The following BUB3 variants were observed in gnomAD, a reference collection of about 807,000 sequenced individuals.
BUB3 encodes BUB3 mitotic checkpoint protein, also known as mitotic checkpoint protein BUB3.
A neutral mutation model predicts 39.9 loss-of-function variants in BUB3; 22 were observed. The observed-to-expected ratio is 0.55, with a 90% CI of 0.39 to 0.79. The LOEUF (loss-of-function observed/expected upper bound fraction) is 0.79, where lower values mean the gene tolerates loss of function less well. Ranked by LOEUF, BUB3 falls within the 30% of genes least tolerant of loss-of-function variation. BUB3 has a pLI of 0.00. For synonymous variants in BUB3, 168 were observed against 155.1 expected (o/e 1.08, Z -0.62); for missense variants, 303 against 415.4 (o/e 0.73, Z 2.35).
chr10:123,157,980 G>A (rs1294110199), intron 4 of BUB3, 100 bp downstream of exon 4: 6 of 1,263,596 alleles, frequency 4.7e-6, no homozygotes, highest in African/African-American at 4.6e-5. Flanking sequence ...AAGGTGAAAA[G>A]TCAACATGGG....
At position 123,155,027 on chromosome 10, in the gene BUB3, C is replaced by T; in HGVS notation, c.110C>T (p.Thr37Met). ...SQFLLVSSWD[T>M]SVRLYDVPAN... ...TTCCTGCTTGTCTCCTCCTGGGACACGTCCGTGCGTCTCTACGATGTGCCG... is the reference window on the plus strand; with the variant it reads ...TTCCTGCTTGTCTCCTCCTGGGACATGTCCGTGCGTCTCTACGATGTGCCG... Residue 37 changes from threonine to methionine, a missense_variant, in exon 2 of 8, where the codon ACG becomes ATG. Around this residue, in one of 2 missense-constraint regions of BUB3, gnomAD observed 121 missense variants for 122.3 expected, o/e 0.99. Coordinates refer to ENST00000368865, the MANE Select transcript of BUB3 (RefSeq NM_004725.4). 1.2e-6 allele frequency: 2 copies of T among 1,614,198 alleles called. No individual in the cohort carries two copies. The highest frequency in any genetic ancestry group is 8.5e-7 in the Non-Finnish European group (1 of 1,180,038).
At position 123,165,173 on chromosome 10, in the gene BUB3, A is replaced by G. The variant is rs1384052321; in HGVS notation, c.*1338A>G. 7.9e-7 allele frequency: 1 copy of G among 1,270,400 alleles called. No homozygotes were observed. Among genetic ancestry groups the G allele is most frequent in the East Asian group, 2.3e-5 (1 of 43,114 alleles). 78.7% of individuals were successfully genotyped at this position (1,270,400 alleles called of 1,614,324 possible). Reference sequence around the variant, plus strand: ...GGATTTCTCTGTTTTCTGTCTTACAAGAAACTTGTCTATGTACCTTAATAC... The same window carrying G: ...GGATTTCTCTGTTTTCTGTCTTACAGGAAACTTGTCTATGTACCTTAATAC... On this transcript the variant is annotated 3_prime_UTR_variant, in exon 8 of 8. Transcript: ENST00000368865.
chr10:123,162,637 T>A lies in BUB3; in HGVS notation c.780T>A (p.Ile260=). Reference sequence around the variant, plus strand: ...GTGGTTCTGATGGCTTTGTAAATATTTGGGATCCATTTAACAAAAAGCGAC... The same window carrying A: ...GTGGTTCTGATGGCTTTGTAAATATATGGGATCCATTTAACAAAAAGCGAC... The part of the protein sequence containing the change: ...ATGGSDGFVN[I]WDPFNKKRLC... Residue 260 remains isoleucine, a synonymous_variant, in exon 7 of 8, where the codon ATT becomes ATA. Transcript: ENST00000368865. 6.2e-7 allele frequency: 1 copy of A among 1,600,702 alleles called. No homozygotes were observed. Among genetic ancestry groups the A allele is most frequent in the Non-Finnish European group, 8.5e-7 (1 of 1,176,990 alleles).
rs1844467508 is a variant in BUB3, at chr10:123,164,746, AAAATT to A, written c.*913_*917del. 3.6e-6 allele frequency: 4 copies of A among 1,113,628 alleles called. No individual in the cohort carries two copies. The highest frequency in any genetic ancestry group is 4.4e-6 in the Non-Finnish European group (4 of 912,910). The allele number at this position is 1,113,628 out of a possible 1,614,324, so 69.0% of individuals were successfully genotyped here. On this transcript the variant is annotated 3_prime_UTR_variant, in exon 8 of 8. Coordinates refer to ENST00000368865, the MANE Select transcript of BUB3 (RefSeq NM_004725.4). ...GCTGGTGATTAAAGTTAAAAAGAAAAAAATTATAGTGAGAATGAGATTCATTTCAA... is the reference window on the plus strand; with the variant it reads ...GCTGGTGATTAAAGTTAAAAAGAAAAATAGTGAGAATGAGATTCATTTCAA...
At chr10:123,161,769 G>GC (rs1179282161) in intron 5 of BUB3, among the ~76,000 whole-genome samples, 2 of 152,214 alleles carry the variant, frequency 1.3e-5, no homozygotes, top group African/African-American at 4.8e-5. Context: ...TGTATTAAAT[G>GC]CAAGAAGTAG....
Position 123,168,886 on chromosome 10 carries a change from T to C in BUB3, c.*5051T>C, listed in dbSNP as rs12770693. On this transcript the variant is annotated 3_prime_UTR_variant, in exon 8 of 8. Transcript: ENST00000368865. ...TTTTTTTTAAGCTCATCAGCTATTG[T>C]ATTAGTGTATTTTATGTGTAGCTCA... 1 of 151,960 alleles carries C rather than the reference T, an allele frequency of 6.6e-6. No homozygotes were observed. Among genetic ancestry groups the C allele is most frequent in the African/African-American group, 2.4e-5 (1 of 41,342 alleles). The allele number at this position is 151,960 out of a possible 1,614,324, so 9.4% of individuals were successfully genotyped here.
intron 4 of BUB3, among the ~76,000 whole-genome samples, chr10:123,158,706 A>C (rs1422713121): frequency 6.6e-6 from 1 of 152,224 alleles, no homozygotes; most frequent in Non-Finnish European, 1.5e-5. Context: ...TGTTCAGAAT[A>C]AAATAATTGC....
In BUB3 at chr10:123,162,747, A is replaced by T. The variant is rs757176984; in HGVS notation, c.890A>T (p.Tyr297Phe). Residue 297 changes from tyrosine (Y) to phenylalanine (F), a missense_variant, in exon 7 of 8, where the codon TAT (tyrosine) becomes TTT (phenylalanine). Tyr to Phe is a conservative substitution (Grantham distance 22, BLOSUM62 3). This residue lies in a region of BUB3 where 182 missense variants were observed against 293.1 expected (regional missense o/e 0.62). Coordinates refer to ENST00000368865, the MANE Select transcript of BUB3 (RefSeq NM_004725.4). ...ACTACGCTTGCAATAGCGTCATCAT[A>T]TATGTATGAAATGGATGACACAGAA... Reference protein sequence around the residue: ...DGTTLAIASSYMYEMDDTEHP... With the variant: ...DGTTLAIASSFMYEMDDTEHP... 3 of 1,614,012 alleles carry T rather than the reference A, an allele frequency of 1.9e-6. No homozygotes were observed. Among genetic ancestry groups the T allele is most frequent in the Non-Finnish European group, 8.5e-7 (1 of 1,179,944 alleles).
At position 123,165,893 on chromosome 10, in the gene BUB3, C is replaced by T. The variant is rs879423256; in HGVS notation, c.*2058C>T. On this transcript the variant is annotated 3_prime_UTR_variant, in exon 8 of 8. Transcript: ENST00000368865. The stretch of plus-strand genomic sequence containing the variant: ...TTATGTGCTTCTAAAAGTCCCTAAC[C>T]ACTTGGTTGAGGACAGACCATAAGT... 3.7e-4 allele frequency: 56 copies of T among 152,284 alleles called. 1 individual carries two copies. The highest frequency in any genetic ancestry group is 2.7e-3 in the Admixed American group (42 of 15,296). 9.4% of individuals were successfully genotyped at this position (152,284 alleles called of 1,614,324 possible).
chr10:123,158,009 T>C, intron 4 of BUB3, 129 bp downstream of exon 4: 1 of 1,064,214 alleles, frequency 9.4e-7, no homozygotes. Context: ...AGGTTGACAG[T>C]TGGTTTTATA....
At chr10:123,155,892 C>G (rs758074989) in intron 3 of BUB3, among the ~76,000 whole-genome samples, 165 bp downstream of exon 3, 15 of 152,160 alleles carry the variant, frequency 9.9e-5, no homozygotes, top group Non-Finnish European at 1.5e-4. Context: ...CATTAAGTTA[C>G]TGATTACAGA....
In BUB3 at chr10:123,165,636, G is replaced by T. The variant is rs1333790982; in HGVS notation, c.*1801G>T. 6.6e-6 allele frequency: 1 copy of T among 152,328 alleles called. No individual in the cohort carries two copies. The highest frequency in any genetic ancestry group is 6.5e-5 in the Admixed American group (1 of 15,282). The allele number at this position is 152,328 out of a possible 1,614,324, so 9.4% of individuals were successfully genotyped here. A position where few individuals can be genotyped will look rare whatever the true frequency, so the allele number is the denominator to read the frequency against. On this transcript the variant is annotated 3_prime_UTR_variant, in exon 8 of 8. Coordinates refer to ENST00000368865, the MANE Select transcript of BUB3 (RefSeq NM_004725.4). ...AAGTGTGCAGCTTCACTCAGGATGG[G>T]CAGAGACTATGTGGCAGCCTCTGGG...
chr10:123,157,863 TTC>T lies in BUB3; in HGVS notation c.405_406del (p.Gln136AlafsTer2), dbSNP rs1296234927. 1 of 1,613,016 alleles carries T rather than the reference TTC, an allele frequency of 6.2e-7. No homozygotes were observed. Among genetic ancestry groups the T allele is most frequent in the Non-Finnish European group, 8.5e-7 (1 of 1,179,652 alleles). On this transcript the variant is annotated frameshift_variant, in exon 4 of 8. Coordinates refer to ENST00000368865, the MANE Select transcript of BUB3 (RefSeq NM_004725.4). LOFTEE classifies it high-confidence loss of function. ...CAGAACTCCTTGTAATGCTGGGACC[TTC>T]TCTCAGCCTGAAAAGGTAGGCTCTT... ...DPRTPCNAGTFSQPEKVYTLS... is the reference protein window; with the variant it reads ...DPRTPCNAGTXSQPEKVYTLS...
rs1844497016 is a variant in BUB3 at position 123,166,769 on chromosome 10, T to C, written c.*2934T>C. ...AACCTTTGTTGGGAATATAAATAAG[T>C]GGATGGGATGGGAAGTGACAGCAAT... On this transcript the variant is annotated 3_prime_UTR_variant, in exon 8 of 8. Coordinates refer to ENST00000368865, the MANE Select transcript of BUB3 (RefSeq NM_004725.4). 1 of 152,076 alleles carries C rather than the reference T, an allele frequency of 6.6e-6. No individual in the cohort carries two copies. Among genetic ancestry groups the C allele is most frequent in the Non-Finnish European group, 1.5e-5 (1 of 68,020 alleles). 9.4% of individuals were successfully genotyped at this position (152,076 alleles called of 1,614,324 possible).
At position 123,169,191 on chromosome 10, in the gene BUB3, C is replaced by G. The variant is rs1038093882; in HGVS notation, c.*5356C>G. 1.3e-5 allele frequency: 2 copies of G among 152,260 alleles called. No homozygotes were observed. Among genetic ancestry groups the G allele is most frequent in the Admixed American group, 1.3e-4 (2 of 15,288 alleles). The allele number at this position is 152,260 out of a possible 1,614,324, so 9.4% of individuals were successfully genotyped here. On this transcript the variant is annotated 3_prime_UTR_variant, in exon 8 of 8. Coordinates refer to ENST00000368865, the MANE Select transcript of BUB3 (RefSeq NM_004725.4). ...GCGAGAGGCTGCAGGTGTCCACTTA[C>G]GTACCTGTGGCTAAGATGCGCCTGA...
intron 5 of BUB3, among the ~76,000 whole-genome samples, chr10:123,161,594 A>C (rs762722785): frequency 2.6e-5 from 4 of 152,148 alleles, no homozygotes; most frequent in Non-Finnish European, 4.4e-5. Flanking sequence ...TTTCAGGAAT[A>C]AATCTTTTTC....
chr10:123,154,698 G>A (rs1226143665), intron 1 of BUB3, among the ~76,000 whole-genome samples: 1 of 152,212 alleles, frequency 6.6e-6, no homozygotes, highest in African/African-American at 2.4e-5. Context: ...TGGGTTTAGG[G>A]GGACGGCGGT....
chr10:123,161,372 T>C (rs1844421633), intron 5 of BUB3, among the ~76,000 whole-genome samples: 3 of 151,232 alleles, frequency 2.0e-5, no homozygotes, highest in Admixed American at 1.3e-4. Context: ...TCACAGTTCC[T>C]TTTTTTTTAG....
intron 7 of BUB3, 71 bp downstream of exon 7, chr10:123,162,899 C>A: frequency 7.1e-7 from 1 of 1,408,332 alleles, no homozygotes; most frequent in Non-Finnish European, 9.9e-7. Flanking sequence ...TTTCTAAATT[C>A]ATGAATAGCA....
Sources: gnomAD v4.1 joint callset for allele counts (sites outside exome capture counted in the v4.1 genomes callset) on GRCh38, gnomAD v4.1.1 for gene constraint, gnomAD v4.1.1 regional missense constraint, MANE v1.5 for transcripts, NCBI Gene and HGNC (gene_info 2026-07-23, HGNC 2026-07-21) for gene names.